The following SPOCK3 variants were observed in gnomAD, a reference collection of about 807,000 sequenced individuals.
SPOCK3 encodes testican-3.
A neutral mutation model predicts 56.6 loss-of-function variants in SPOCK3; 30 were observed. The observed-to-expected ratio is 0.53, with a 90% confidence interval of 0.40 to 0.72. The LOEUF (loss-of-function observed/expected upper bound fraction) is 0.72. Ranked by LOEUF, SPOCK3 falls within the 30% of genes least tolerant of loss-of-function variation. The pLI is 0.00. For missense variants in SPOCK3, 527 were observed against 530.0 expected (o/e 0.99, Z 0.06); for synonymous variants, 196 against 183.3 (o/e 1.07, Z -0.56).
chr4:166,863,497 G>T (rs1731455258), intron 6 of SPOCK3, among the ~76,000 whole-genome samples: 1 of 151,970 alleles, frequency 6.6e-6, no homozygotes, highest in African/African-American at 2.4e-5. Flanking sequence ...CTGGCAAATT[G>T]GATAAAGAGT....
At chr4:167,136,006 T>C (rs914841902) in intron 2 of SPOCK3, among the ~76,000 whole-genome samples, 1 of 152,148 alleles carries the variant, frequency 6.6e-6, no homozygotes, top group African/African-American at 2.4e-5. Context: ...ATATCCCACC[T>C]TTTAGCTAAT....
At chr4:166,916,527 T>G (rs17645839) in intron 4 of SPOCK3, among the ~76,000 whole-genome samples, 15,452 of 152,200 alleles carry the variant, frequency 0.1, 1,108 homozygotes, top group East Asian at 0.27. Flanking sequence ...ATGTTCTACT[T>G]AGTTTTCTGT....
chr4:166,752,814 C>A (rs1012213578), intron 8 of SPOCK3, among the ~76,000 whole-genome samples: 5 of 151,908 alleles, frequency 3.3e-5, no homozygotes, highest in African/African-American at 9.7e-5. Flanking sequence ...TAACTTCTAG[C>A]AATTAAAGTA....
intron 2 of SPOCK3, among the ~76,000 whole-genome samples, chr4:167,109,310 T>G (rs1165548226): frequency 1.1e-5 from 1 of 88,994 alleles, no homozygotes; most frequent in Non-Finnish European, 1.9e-5. Flanking sequence ...TAATTATTAA[T>G]ATATTAATAT....
At chr4:167,043,448 CT>C (rs1753409895) in intron 3 of SPOCK3, among the ~76,000 whole-genome samples, 1 of 151,872 alleles carries the variant, frequency 6.6e-6, no homozygotes, top group Non-Finnish European at 1.5e-5. Flanking sequence ...TCATTGCTTC[CT>C]TTTCTGTTTC....
intron 10 of SPOCK3, among the ~76,000 whole-genome samples, chr4:166,736,808 T>G (rs1243325877): frequency 1.3e-5 from 2 of 152,042 alleles, no homozygotes; most frequent in African/African-American, 4.8e-5. Flanking sequence ...GAAAAATGTT[T>G]TATGAAGTAC....
chr4:167,033,653 C>T (rs1232999300), intron 3 of SPOCK3, among the ~76,000 whole-genome samples: 2 of 151,956 alleles, frequency 1.3e-5, no homozygotes, highest in Non-Finnish European at 2.9e-5. Context: ...CTCAACACAA[C>T]ACTATAGTAT....
intron 7 of SPOCK3, among the ~76,000 whole-genome samples, chr4:166,772,638 C>A (rs1196266024): frequency 6.6e-6 from 1 of 152,066 alleles, no homozygotes; most frequent in East Asian, 1.9e-4. Flanking sequence ...ACAGAATATT[C>A]ACAAGCAGTT....
intron 6 of SPOCK3, among the ~76,000 whole-genome samples, chr4:166,841,695 A>G (rs1747363515): frequency 6.6e-6 from 1 of 152,194 alleles, no homozygotes. Context: ...AATATTACAA[A>G]TCTTCCCCTG....
intron 6 of SPOCK3, among the ~76,000 whole-genome samples, chr4:166,825,953 T>C (rs1269483342): frequency 6.6e-6 from 1 of 152,000 alleles, no homozygotes; most frequent in Admixed American, 6.6e-5. Context: ...GTACACTGCT[T>C]GGGTGACAGG....
chr4:166,845,871 G>A (rs1748002992), intron 6 of SPOCK3, among the ~76,000 whole-genome samples: 1 of 152,064 alleles, frequency 6.6e-6, no homozygotes, highest in African/African-American at 2.4e-5. Context: ...AGGTGACTTG[G>A]TCCTTTCGTG....
intron 3 of SPOCK3, among the ~76,000 whole-genome samples, chr4:167,023,281 A>G (rs1312134028): frequency 6.6e-6 from 1 of 151,990 alleles, no homozygotes; most frequent in Non-Finnish European, 1.5e-5. Context: ...GAACTCAGAA[A>G]AAAAGACTTA....
intron 9 of SPOCK3, among the ~76,000 whole-genome samples, chr4:166,741,368 T>A (rs1349620561): frequency 6.6e-6 from 1 of 152,354 alleles, no homozygotes; most frequent in African/African-American, 2.4e-5. Context: ...CCTTTGTCAC[T>A]GTTTTTATAA....
intron 8 of SPOCK3, among the ~76,000 whole-genome samples, chr4:166,753,916 A>G (rs1736733294): frequency 6.6e-6 from 1 of 152,088 alleles, no homozygotes; most frequent in Non-Finnish European, 1.5e-5. Flanking sequence ...AGAAAGATGC[A>G]TGAAGAACTG....
chr4:167,057,289 C>G (rs960657089), intron 3 of SPOCK3, among the ~76,000 whole-genome samples: 1 of 152,118 alleles, frequency 6.6e-6, no homozygotes, highest in African/African-American at 2.4e-5. Flanking sequence ...CAAGGAAGCA[C>G]TAAACATGGA....
chr4:167,034,960 T>C (rs573173055), intron 3 of SPOCK3, among the ~76,000 whole-genome samples: 2 of 152,170 alleles, frequency 1.3e-5, no homozygotes, highest in South Asian at 4.1e-4. Context: ...TTCTGAGTTA[T>C]GTATTAGTTC....
intron 2 of SPOCK3, among the ~76,000 whole-genome samples, chr4:167,118,902 C>A (rs941951300): frequency 6.6e-6 from 1 of 152,114 alleles, no homozygotes; most frequent in African/African-American, 2.4e-5. Context: ...TTCATCCCCC[C>A]TTCTACTATT....
chr4:166,855,059 G>GTTTTCC (rs1351807293), intron 6 of SPOCK3, among the ~76,000 whole-genome samples: 1 of 152,052 alleles, frequency 6.6e-6, no homozygotes, highest in Non-Finnish European at 1.5e-5. Context: ...GCGAACAATT[G>GTTTTCC]TTTTCCTTTT....
chr4:167,063,224 A>G (rs1412407142), intron 2 of SPOCK3, among the ~76,000 whole-genome samples: 1 of 151,908 alleles, frequency 6.6e-6, no homozygotes, highest in African/African-American at 2.4e-5. Flanking sequence ...AGTACAGCAC[A>G]AATGTAGGGC....
Sources: gnomAD v4.1 joint callset for allele counts (sites outside exome capture counted in the v4.1 genomes callset) on GRCh38, gnomAD v4.1.1 for gene constraint, MANE v1.5 for transcripts, NCBI Gene and HGNC (gene_info 2026-07-23, HGNC 2026-07-21) for gene names.